Variants in TAFA4 observed in about 807,000 individuals in gnomAD.
TAFA4 encodes the protein TAFA chemokine like family member 4, also known as chemokine-like protein TAFA-4.
TAFA4 carries 20 observed loss-of-function variants against 21.1 expected under a neutral mutation model. The ratio of observed to expected loss-of-function variants is 0.95; its 90% CI spans 0.67 to 1.38. The LOEUF (loss-of-function observed/expected upper bound fraction) is 1.38, where lower values mean the gene tolerates loss of function less well. Ranked by LOEUF, TAFA4 falls within the 40% of genes most tolerant of loss-of-function variation. TAFA4 has a pLI of 0.00. For missense variants in TAFA4, 211 were observed against 180.9 expected (o/e 1.17, Z -0.95); for synonymous variants, 71 against 67.4 (o/e 1.05, Z -0.26).
chr3:68,793,978 C>T (rs1703411124), intron 3 of TAFA4, among the ~76,000 whole-genome samples: 1 of 152,188 alleles, frequency 6.6e-6, no homozygotes, highest in African/African-American at 2.4e-5. Context: ...TAAAAGTGGA[C>T]AGGTTGTCAG....
intron 3 of TAFA4, among the ~76,000 whole-genome samples, chr3:68,856,076 C>T (rs769393772): frequency 2.6e-5 from 4 of 152,004 alleles, no homozygotes; most frequent in Admixed American, 1.3e-4. Context: ...CTGGACTACC[C>T]GTCCAGAGCT....
chr3:68,803,664 G>T, intron 3 of TAFA4, among the ~76,000 whole-genome samples: 1 of 148,876 alleles, frequency 6.7e-6, no homozygotes, highest in African/African-American at 2.5e-5. Context: ...CCCTGTGTTT[G>T]TTTTTCAATA....
chr3:68,852,402 G>A (rs1285224720), intron 3 of TAFA4, among the ~76,000 whole-genome samples: 2 of 152,160 alleles, frequency 1.3e-5, no homozygotes, highest in Non-Finnish European at 1.5e-5. Flanking sequence ...GTGGAGGCCT[G>A]TGGCTGCCTA....
chr3:68,814,421 T>C (rs575185581), intron 3 of TAFA4, among the ~76,000 whole-genome samples: 24 of 152,278 alleles, frequency 1.6e-4, no homozygotes, highest in African/African-American at 5.3e-4. Context: ...GAAAACGCCA[T>C]TGTCTCAGCC....
At chr3:68,787,607 G>A (rs764344217) in intron 3 of TAFA4, among the ~76,000 whole-genome samples, 1 of 152,024 alleles carries the variant, frequency 6.6e-6, no homozygotes, top group African/African-American at 2.4e-5. Context: ...ACACATCAGA[G>A]CCCCTTGGCT....
In TAFA4 at chr3:68,811,617, T is replaced by A. The variant is rs752189342; in HGVS notation, c.131-58599A>T. Among the ~76,000 whole-genome samples the A allele has an allele frequency of 1.2e-3, 176 of 151,902 alleles. 1 individual carries two copies. Among genetic ancestry groups the A allele is most frequent in the South Asian group, 3.6e-3 (17 of 4,786 alleles). ...AATGAAATGAAGCGAGAAGAGAAGTTTAGAGAAAAAAGAATAAAAAGAAAT... is the reference window on the plus strand; with the variant it reads ...AATGAAATGAAGCGAGAAGAGAAGTATAGAGAAAAAAGAATAAAAAGAAAT... On this transcript the variant is annotated intron_variant, in intron 3 of 5. Coordinates refer to ENST00000295569, the MANE Select transcript of TAFA4 (RefSeq NM_182522.5).
chr3:68,886,246 C>T (rs551591000), intron 1 of TAFA4, among the ~76,000 whole-genome samples: 13 of 152,260 alleles, frequency 8.5e-5, no homozygotes, highest in African/African-American at 4.8e-5. Flanking sequence ...AGAACACTTT[C>T]GGTGATAAAT....
At chr3:68,917,426 T>C (rs74408231) in intron 1 of TAFA4, among the ~76,000 whole-genome samples, 2 of 151,522 alleles carry the variant, frequency 1.3e-5, no homozygotes, top group African/African-American at 2.4e-5. Context: ...ATCAGAGACC[T>C]CCCCCCCTGT....
chr3:68,770,935 G>A (rs1575602109), intron 3 of TAFA4, among the ~76,000 whole-genome samples: 1 of 152,276 alleles, frequency 6.6e-6, no homozygotes, highest in Middle Eastern at 3.4e-3. Context: ...GAGCTCTAGA[G>A]GGCACACACA....
intron 3 of TAFA4, among the ~76,000 whole-genome samples, chr3:68,855,691 T>C (rs1226287968): frequency 6.6e-6 from 1 of 152,024 alleles, no homozygotes; most frequent in East Asian, 1.9e-4. Context: ...TATATACGTG[T>C]ATATAAATTC....
At chr3:68,755,229 A>C (rs994414736) in intron 3 of TAFA4, among the ~76,000 whole-genome samples, 1 of 152,206 alleles carries the variant, frequency 6.6e-6, no homozygotes, top group Admixed American at 6.5e-5. Flanking sequence ...TCTGTATTGC[A>C]CATGTACTTA....
chr3:68,792,280 T>G (rs983022894), intron 3 of TAFA4, among the ~76,000 whole-genome samples: 2 of 152,142 alleles, frequency 1.3e-5, no homozygotes, highest in African/African-American at 4.8e-5. Context: ...TTATTTCTAT[T>G]TTTTGGTTGA....
At chr3:68,771,075 C>A (rs1702948175) in intron 3 of TAFA4, among the ~76,000 whole-genome samples, 1 of 152,060 alleles carries the variant, frequency 6.6e-6, no homozygotes, top group African/African-American at 2.4e-5. Flanking sequence ...CCCTGGGTGG[C>A]CTGTGTCCAG....
chr3:68,822,575 G>T (rs192824365), intron 3 of TAFA4, among the ~76,000 whole-genome samples: 3 of 152,118 alleles, frequency 2.0e-5, no homozygotes, highest in African/African-American at 7.2e-5. Flanking sequence ...GGGCTTAAGC[G>T]ATCCTTCCAC....
At chr3:68,808,668 C>A (rs1233779709) in intron 3 of TAFA4, among the ~76,000 whole-genome samples, 1 of 152,190 alleles carries the variant, frequency 6.6e-6, no homozygotes, top group Non-Finnish European at 1.5e-5. Context: ...TCAATTTCCA[C>A]AAACACACAC....
intron 3 of TAFA4, among the ~76,000 whole-genome samples, chr3:68,774,570 G>A (rs1007942779): frequency 6.6e-6 from 1 of 152,210 alleles, no homozygotes; most frequent in African/African-American, 2.4e-5. Context: ...ACATATGAGA[G>A]AAGCAGTAGA....
At chr3:68,779,653 A>C (rs2106794319) in intron 3 of TAFA4, among the ~76,000 whole-genome samples, 1 of 152,354 alleles carries the variant, frequency 6.6e-6, no homozygotes, top group East Asian at 1.9e-4. Flanking sequence ...GCAGGTGTAC[A>C]CAAGTCAAGA....
At chr3:68,927,350 G>C (rs2090117748) in intron 1 of TAFA4, among the ~76,000 whole-genome samples, 1 of 152,064 alleles carries the variant, frequency 6.6e-6, no homozygotes. Flanking sequence ...GAAAACTTTA[G>C]AACACATGGC....
intron 2 of TAFA4, among the ~76,000 whole-genome samples, chr3:68,881,236 T>A (rs936995811): frequency 7.9e-5 from 12 of 152,170 alleles, no homozygotes; most frequent in Non-Finnish European, 8.8e-5. Flanking sequence ...TCCATGGAGA[T>A]TTTGCACATG....
Sources: allele counts gnomAD v4.1 joint callset (sites outside exome capture counted in the v4.1 genomes callset), GRCh38; gene constraint gnomAD v4.1.1; transcripts MANE v1.5; gene names NCBI Gene and HGNC (gene_info 2026-07-23, HGNC 2026-07-21).